The following SEMA3C variants were observed in gnomAD, a reference collection of about 807,000 sequenced individuals.
SEMA3C encodes the protein semaphorin-3C.
Under a neutral mutation model 89.4 loss-of-function variants are expected in SEMA3C, and 47 were observed. That is an observed-to-expected ratio of 0.53 (90% CI 0.42 to 0.67). SEMA3C has a LOEUF of 0.67. Ranked by LOEUF, SEMA3C falls within the 30% of genes least tolerant of loss-of-function variation. The pLI, the probability that SEMA3C is intolerant of heterozygous loss-of-function variation, is 0.00. For synonymous variants in SEMA3C, 310 were observed against 320.2 expected, an observed-to-expected ratio of 0.97 and a Z score of 0.34; for missense variants, 839 against 929.1, an observed-to-expected ratio of 0.90 and a Z score of 1.26.
chr7:80,921,476 C>T (rs978955307), upstream of SEMA3C, among the ~76,000 whole-genome samples: 5 of 152,206 alleles, frequency 3.3e-5, no homozygotes, highest in Non-Finnish European at 5.9e-5. Flanking sequence ...CCCCACACTG[C>T]TTAAAACACC....
At chr7:80,903,630 C>A (rs1791937404) in intron 2 of SEMA3C, among the ~76,000 whole-genome samples, 1 of 152,060 alleles carries the variant, frequency 6.6e-6, no homozygotes, top group Non-Finnish European at 1.5e-5. Flanking sequence ...CCACTGCACT[C>A]CAGCCTGGGT....
intron 14 of SEMA3C, 152 bp downstream of exon 14, chr7:80,761,464 A>G (rs908168822): frequency 2.2e-6 from 1 of 458,188 alleles, no homozygotes; most frequent in Non-Finnish European, 4.0e-6. Context: ...TAAGTTCTAC[A>G]TCAAAATTAA....
intron 2 of SEMA3C, among the ~76,000 whole-genome samples, chr7:80,898,180 C>G (rs542077847): frequency 2.0e-5 from 3 of 152,044 alleles, no homozygotes; most frequent in African/African-American, 7.2e-5. Context: ...GCCTGGCCAA[C>G]ATGCTGAACC....
rs1174604593 is a variant in SEMA3C at position 80,804,209 on chromosome 7, G to C, written c.698C>G (p.Thr233Ser). Residue 233 changes from threonine to serine, a missense_variant, in exon 8 of 18, where the codon ACT (threonine) becomes AGT (serine). Physicochemically the swap from Thr to Ser is moderately conservative, Grantham distance 58 (BLOSUM62 1). Transcript: ENST00000265361. Reference protein sequence around the residue: ...FVDAHVIPDGTDPNDAKVYFF... With the variant: ...FVDAHVIPDGSDPNDAKVYFF... Reference sequence around the variant, plus strand: ...GTACACCTTAGCATCATTTGGATCAGTACCATCTGGGATGACATGTGCATC... The same window carrying C: ...GTACACCTTAGCATCATTTGGATCACTACCATCTGGGATGACATGTGCATC... 6 of 1,610,782 alleles carry C rather than the reference G, an allele frequency of 3.7e-6. No individual in the cohort carries two copies. The highest frequency in any genetic ancestry group is 4.2e-6 in the Non-Finnish European group (5 of 1,178,232).
intron 2 of SEMA3C, among the ~76,000 whole-genome samples, chr7:80,840,097 A>C (rs991913758): frequency 6.6e-6 from 1 of 151,940 alleles, no homozygotes; most frequent in Non-Finnish European, 1.5e-5. Flanking sequence ...CTATAACACA[A>C]TGCTTGTGTT....
At chr7:80,856,482 G>A (rs1266018959) in intron 2 of SEMA3C, among the ~76,000 whole-genome samples, 2 of 147,768 alleles carry the variant, frequency 1.4e-5, no homozygotes, top group Non-Finnish European at 3.0e-5. Context: ...TCAACATCAT[G>A]GTGACAGCCC....
At chr7:80,893,917 A>G (rs1221380109) in intron 2 of SEMA3C, among the ~76,000 whole-genome samples, 3 of 152,174 alleles carry the variant, frequency 2.0e-5, no homozygotes, top group Non-Finnish European at 4.4e-5. Flanking sequence ...ACGTTATGAG[A>G]GTTTTCATGC....
At chr7:80,785,211 C>T (rs1327961212) in intron 12 of SEMA3C, among the ~76,000 whole-genome samples, 6 of 152,132 alleles carry the variant, frequency 3.9e-5, no homozygotes, top group Non-Finnish European at 8.8e-5. Flanking sequence ...GGAGCCCACA[C>T]AACTACCATG....
At chr7:80,750,503 TACAC>T (rs1281284786) in intron 16 of SEMA3C, among the ~76,000 whole-genome samples, 1 of 76,008 alleles carries the variant, frequency 1.3e-5, no homozygotes, top group Non-Finnish European at 3.0e-5. Context: ...CACACACACA[TACAC>T]ACACACACAT....
intron 12 of SEMA3C, among the ~76,000 whole-genome samples, chr7:80,767,463 T>A (rs1023549530): frequency 5.9e-5 from 9 of 152,218 alleles, no homozygotes; most frequent in Non-Finnish European, 1.2e-4. Flanking sequence ...ACATTATGCA[T>A]ATAATCATGC....
chr7:80,884,493 A>C (rs1334344058), intron 2 of SEMA3C, among the ~76,000 whole-genome samples: 1 of 152,220 alleles, frequency 6.6e-6, no homozygotes, highest in African/African-American at 2.4e-5. Flanking sequence ...TGAATAAATT[A>C]ATGAAACTTT....
chr7:80,906,119 T>C (rs891903615), intron 2 of SEMA3C, among the ~76,000 whole-genome samples: 13 of 152,316 alleles, frequency 8.5e-5, no homozygotes, highest in African/African-American at 3.1e-4. Context: ...TAACTAGATT[T>C]TCCTGCTTCC....
At chr7:80,908,662 T>C (rs752481531) in intron 2 of SEMA3C, among the ~76,000 whole-genome samples, 10 of 152,262 alleles carry the variant, frequency 6.6e-5, no homozygotes, top group Non-Finnish European at 8.8e-5. Flanking sequence ...GTGCTAGGGA[T>C]GGATTACTTC....
intron 5 of SEMA3C, chr7:80,815,984 T>C (rs945437556): frequency 2.0e-5 from 3 of 152,150 alleles, no homozygotes; most frequent in Non-Finnish European, 4.4e-5. Flanking sequence ...TTTAAAGTCA[T>C]GATTCACTTG....
chr7:80,749,516 T>C (rs1787878026), intron 16 of SEMA3C, among the ~76,000 whole-genome samples: 1 of 152,092 alleles, frequency 6.6e-6, no homozygotes, highest in Non-Finnish European at 1.5e-5. Flanking sequence ...GGGCAGAAAG[T>C]ATTGTGGCCT....
chr7:80,777,014 G>A (rs1366943078), intron 12 of SEMA3C, among the ~76,000 whole-genome samples: 1 of 151,978 alleles, frequency 6.6e-6, no homozygotes, highest in Non-Finnish European at 1.5e-5. Flanking sequence ...ATATTATATA[G>A]GTACATGTGT....
intron 12 of SEMA3C, among the ~76,000 whole-genome samples, chr7:80,782,188 C>T (rs1788706132): frequency 6.6e-6 from 1 of 152,162 alleles, no homozygotes; most frequent in Admixed American, 6.5e-5. Context: ...TCTTCCTAGG[C>T]ATAATGTAAC....
chr7:80,754,957 G>GTTTTTTTTTTTTTTTGTTTGTT (rs1368382376), intron 15 of SEMA3C, among the ~76,000 whole-genome samples: 1 of 108,368 alleles, frequency 9.2e-6, no homozygotes, highest in African/African-American at 3.5e-5. Flanking sequence ...GTTTTTTTTT[G>GTTTTTTTTTTTTTTTGTTTGTT]TTTTTTTTTT....
At chr7:80,869,053 A>G (rs1051897856) in intron 2 of SEMA3C, among the ~76,000 whole-genome samples, 1 of 152,178 alleles carries the variant, frequency 6.6e-6, no homozygotes, top group Non-Finnish European at 1.5e-5. Flanking sequence ...ACATATTGTA[A>G]TGGAATAAAT....
Sources: allele counts gnomAD v4.1 joint callset (sites outside exome capture counted in the v4.1 genomes callset), GRCh38; gene constraint gnomAD v4.1.1; transcripts MANE v1.5; gene names NCBI Gene and HGNC (gene_info 2026-07-23, HGNC 2026-07-21).